The following CNTNAP5 variants were observed in gnomAD, a reference collection of about 807,000 sequenced individuals.
The protein encoded by CNTNAP5 is contactin associated protein family member 5, also known as contactin-associated protein-like 5.
CNTNAP5 carries 72 observed loss-of-function variants against 150.2 expected under a neutral mutation model. The observed-to-expected ratio is 0.48, with a 90% confidence interval of 0.40 to 0.58. CNTNAP5 has a LOEUF of 0.58. CNTNAP5 is among the 20% of genes least tolerant of loss of function. CNTNAP5 has a pLI of 0.00. For missense variants in CNTNAP5, 1,636 were observed against 1,626.2 expected (o/e 1.01, Z -0.10); for synonymous variants, 672 against 619.8 (o/e 1.08, Z -1.25).
Position 124,879,373 on chromosome 2 carries a change from C to T in CNTNAP5, c.3436+9611C>T, listed in dbSNP as rs796566974. Among the ~76,000 whole-genome samples the T allele has an allele frequency of 3.9e-5, 6 of 152,242 alleles. 1 individual carries two copies. The highest frequency in any genetic ancestry group is 1.4e-4 in the African/African-American group (6 of 41,556). ...TGTATAAATATTAGAACTGTGGTTA[C>T]CTGAAAGGTTATCACACTACCCATG... On this transcript the variant is annotated intron_variant, in intron 21 of 23. Transcript: ENST00000682447.
chr2:124,547,101 T>G (rs529000942), intron 10 of CNTNAP5, among the ~76,000 whole-genome samples: 2 of 151,996 alleles, frequency 1.3e-5, no homozygotes, highest in East Asian at 1.9e-4. Flanking sequence ...ACCCTAGAGA[T>G]AGCAAATAGA....
At chr2:124,800,926 C>T (rs1681953793) in intron 19 of CNTNAP5, among the ~76,000 whole-genome samples, 1 of 152,106 alleles carries the variant, frequency 6.6e-6, no homozygotes, top group Admixed American at 6.5e-5. Flanking sequence ...GGTCAAGGTA[C>T]AGCTTGGTTT....
chr2:124,541,725 G>T (rs1695389613), intron 10 of CNTNAP5, among the ~76,000 whole-genome samples: 1 of 152,144 alleles, frequency 6.6e-6, no homozygotes, highest in Admixed American at 6.6e-5. Flanking sequence ...AGAGGCATCT[G>T]AGAAGTAGAG....
intron 10 of CNTNAP5, among the ~76,000 whole-genome samples, chr2:124,545,438 CA>C (rs1695490099): frequency 6.6e-6 from 1 of 152,088 alleles, no homozygotes; most frequent in Admixed American, 6.6e-5. Flanking sequence ...TCACAGCCCT[CA>C]AACATTTGGA....
intron 12 of CNTNAP5, among the ~76,000 whole-genome samples, chr2:124,610,686 TGCGATGGCTCAC>T (rs1424732485): frequency 1.3e-5 from 2 of 151,874 alleles, no homozygotes; most frequent in Non-Finnish European, 2.9e-5. Flanking sequence ...TGCAGCCAGG[TGCGATGGCTCAC>T]GCCTGTAATC....
At chr2:124,201,422 T>C (rs760993128) in intron 1 of CNTNAP5, among the ~76,000 whole-genome samples, 32 of 152,380 alleles carry the variant, frequency 2.1e-4, no homozygotes, top group Non-Finnish European at 2.8e-4. Context: ...ATATCCGTTA[T>C]GTATGATCAC....
intron 13 of CNTNAP5, among the ~76,000 whole-genome samples, chr2:124,666,981 A>T (rs1019788073): frequency 6.6e-6 from 1 of 152,098 alleles, no homozygotes; most frequent in Admixed American, 6.6e-5. Context: ...TGGACATTAA[A>T]TACACATTTT....
intron 1 of CNTNAP5, among the ~76,000 whole-genome samples, chr2:124,217,986 C>T (rs1389747046): frequency 6.6e-6 from 1 of 152,154 alleles, no homozygotes; most frequent in African/African-American, 2.4e-5. Flanking sequence ...CAAGCTCTAA[C>T]CCTCAATATG....
intron 6 of CNTNAP5, among the ~76,000 whole-genome samples, chr2:124,450,876 A>G (rs1189918259): frequency 6.6e-6 from 1 of 150,902 alleles, no homozygotes; most frequent in African/African-American, 2.4e-5. Flanking sequence ...AAAAATATAT[A>G]TGATTCAGGA....
chr2:124,033,743 C>T (rs903062376), intron 1 of CNTNAP5, among the ~76,000 whole-genome samples: 15 of 152,136 alleles, frequency 9.9e-5, no homozygotes, highest in African/African-American at 3.1e-4. Context: ...CCAACTCTGT[C>T]CCCAAACAAC....
chr2:124,815,147 A>G (rs1682334814), intron 19 of CNTNAP5, among the ~76,000 whole-genome samples: 1 of 152,216 alleles, frequency 6.6e-6, no homozygotes, highest in African/African-American at 2.4e-5. Flanking sequence ...CCAGCAACAT[A>G]GGCCATCGAC....
intron 3 of CNTNAP5, among the ~76,000 whole-genome samples, chr2:124,394,739 G>A (rs1259895408): frequency 6.6e-6 from 1 of 152,132 alleles, no homozygotes; most frequent in African/African-American, 2.4e-5. Context: ...AGAGTAGCTT[G>A]CCCAAGTCTC....
At chr2:124,050,695 A>G (rs1681673394) in intron 1 of CNTNAP5, among the ~76,000 whole-genome samples, 1 of 152,102 alleles carries the variant, frequency 6.6e-6, no homozygotes, top group African/African-American at 2.4e-5. Flanking sequence ...TGAGCTGAGC[A>G]GTTTGGGCAC....
At chr2:124,713,247 TTC>T (rs1221043238) in intron 13 of CNTNAP5, among the ~76,000 whole-genome samples, 2 of 95,010 alleles carry the variant, frequency 2.1e-5, no homozygotes, top group East Asian at 3.4e-4. Flanking sequence ...TTCTTTCTCT[TTC>T]TTTCTTTCTT....
At chr2:124,419,153 A>AAAAAAAAAAAAAAC (rs1553466545) in intron 4 of CNTNAP5, among the ~76,000 whole-genome samples, 4 of 76,412 alleles carry the variant, frequency 5.2e-5, no homozygotes, top group Non-Finnish European at 7.9e-5. Flanking sequence ...AAAAAAAAAA[A>AAAAAAAAAAAAAAC]AAAAAAAAAA....
At chr2:124,891,307 T>C (rs1303235760) in intron 21 of CNTNAP5, among the ~76,000 whole-genome samples, 1 of 151,998 alleles carries the variant, frequency 6.6e-6, no homozygotes, top group Non-Finnish European at 1.5e-5. Context: ...CTCTCCACAG[T>C]CTCTCTAGTA....
intron 3 of CNTNAP5, among the ~76,000 whole-genome samples, chr2:124,341,349 T>G (rs1253911168): frequency 1.3e-5 from 2 of 152,066 alleles, no homozygotes; most frequent in Non-Finnish European, 2.9e-5. Context: ...TCATTTTCTT[T>G]AGTTCAAAGC....
At chr2:124,574,685 G>A (rs1299066542) in intron 11 of CNTNAP5, among the ~76,000 whole-genome samples, 3 of 152,166 alleles carry the variant, frequency 2.0e-5, no homozygotes, top group Non-Finnish European at 2.9e-5. Flanking sequence ...ATAATAAAAC[G>A]AAGGCATCAT....
intron 1 of CNTNAP5, among the ~76,000 whole-genome samples, chr2:124,191,029 G>A (rs568478891): frequency 6.6e-6 from 1 of 152,026 alleles, no homozygotes; most frequent in Non-Finnish European, 1.5e-5. Context: ...GGCTTTTTTT[G>A]AGACATATTT....
Sources: gnomAD v4.1 joint callset for allele counts (sites outside exome capture counted in the v4.1 genomes callset) on GRCh38, gnomAD v4.1.1 for gene constraint, MANE v1.5 for transcripts, NCBI Gene and HGNC (gene_info 2026-07-23, HGNC 2026-07-21) for gene names.